Variants in THSD4 observed in about 807,000 individuals in gnomAD.
THSD4 encodes thrombospondin type 1 domain containing 4.
Under a neutral mutation model 119.0 loss-of-function variants are expected in THSD4, and 69 were observed. That is an observed-to-expected ratio of 0.58 (90% CI 0.48 to 0.71). The LOEUF is 0.71. Ranked by LOEUF, THSD4 falls within the 30% of genes least tolerant of loss-of-function variation. The pLI is 0.00. For missense variants in THSD4, 1,393 were observed against 1,391.1 expected (o/e 1.00, Z -0.02); for synonymous variants, 524 against 540.4 (o/e 0.97, Z 0.42).
intron 17 of THSD4, 151 bp downstream of exon 17, chr15:71,771,359 A>G: frequency 9.4e-7 from 1 of 1,068,818 alleles, no homozygotes; most frequent in East Asian, 2.6e-5. Flanking sequence ...TTGGTATTAT[A>G]AATTTCATGG....
chr15:71,135,986 GTTTAGTTTTTTTTT>G (rs1395093760), intron 1 of THSD4, among the ~76,000 whole-genome samples: 1 of 101,814 alleles, frequency 9.8e-6, no homozygotes. Flanking sequence ...TTTTTGTTTA[GTTTAGTTTTTTTTT>G]TTTTTTTTTT....
chr15:71,714,861 G>A (rs56176351), intron 8 of THSD4, among the ~76,000 whole-genome samples: 25,765 of 152,000 alleles, frequency 0.17, 2,400 homozygotes, highest in Middle Eastern at 0.22. Flanking sequence ...AATCCTGCAC[G>A]TGTACCCCCA....
chr15:71,692,139 C>T (rs1177276683), intron 8 of THSD4, among the ~76,000 whole-genome samples: 2 of 152,138 alleles, frequency 1.3e-5, no homozygotes, highest in African/African-American at 2.4e-5. Flanking sequence ...AATACCAGGA[C>T]ATTAATATAT....
chr15:71,415,476 A>G (rs571565921), intron 7 of THSD4, among the ~76,000 whole-genome samples: 1 of 152,380 alleles, frequency 6.6e-6, no homozygotes, highest in East Asian at 1.9e-4. Flanking sequence ...ACAATATATA[A>G]TAATCACATC....
chr15:71,190,556 C>G (rs1223248981), intron 3 of THSD4, among the ~76,000 whole-genome samples: 2 of 152,148 alleles, frequency 1.3e-5, no homozygotes, highest in African/African-American at 4.8e-5. Context: ...CCTGTCCTGT[C>G]GCTGAAGATT....
At chr15:71,384,537 C>T (rs1389201439) in intron 6 of THSD4, among the ~76,000 whole-genome samples, 2 of 152,172 alleles carry the variant, frequency 1.3e-5, no homozygotes, top group Non-Finnish European at 2.9e-5. Context: ...GTAGCTAAGC[C>T]AAAAGGTTAG....
Position 71,154,895 on chromosome 15 carries a change from A to G in THSD4, c.62A>G (p.Gln21Arg). The stretch of plus-strand genomic sequence containing the variant: ...TGTTTCCTTCTGCTGCTTGGATTCC[A>G]GTTCGTCTGCCCACAGCCCTCCACT... ...VLCFLLLLGFQFVCPQPSTQH... is the reference protein window; with the variant it reads ...VLCFLLLLGFRFVCPQPSTQH... The change falls in exon 3 of 18, where the codon CAG (glutamine) becomes CGG (arginine). Residue 21 changes from glutamine to arginine, a missense_variant. Transcript: ENST00000261862. 1 of 1,614,024 alleles carries G rather than the reference A, an allele frequency of 6.2e-7. No homozygotes were observed. The highest frequency in any genetic ancestry group is 8.5e-7 in the Non-Finnish European group (1 of 1,180,008).
intron 8 of THSD4, among the ~76,000 whole-genome samples, chr15:71,674,743 G>A (rs1186149579): frequency 6.6e-6 from 1 of 152,052 alleles, no homozygotes; most frequent in African/African-American, 2.4e-5. Context: ...GAGGCATTTC[G>A]ATTGTTACAG....
At chr15:71,289,057 G>A (rs1210760065) in intron 6 of THSD4, among the ~76,000 whole-genome samples, 3 of 152,320 alleles carry the variant, frequency 2.0e-5, no homozygotes, top group South Asian at 2.1e-4. Context: ...GCTAGACACT[G>A]TATGAGACAT....
intron 7 of THSD4, among the ~76,000 whole-genome samples, chr15:71,581,233 C>T (rs534380338): frequency 2.6e-5 from 4 of 152,156 alleles, no homozygotes; most frequent in South Asian, 4.1e-4. Flanking sequence ...AATCTTTTGT[C>T]TTTTGGCAGT....
intron 7 of THSD4, among the ~76,000 whole-genome samples, chr15:71,525,957 G>A (rs1309039317): frequency 6.6e-6 from 1 of 152,170 alleles, no homozygotes; most frequent in East Asian, 1.9e-4. Context: ...GACACACGCA[G>A]ACACTCAGTA....
chr15:71,646,619 G>T (rs1464887854), intron 7 of THSD4, among the ~76,000 whole-genome samples: 1 of 152,156 alleles, frequency 6.6e-6, no homozygotes, highest in Non-Finnish European at 1.5e-5. Context: ...TGTGTCAGAT[G>T]CTTTTTACAA....
intron 7 of THSD4, among the ~76,000 whole-genome samples, chr15:71,548,897 G>A (rs1268240343): frequency 6.6e-6 from 1 of 152,238 alleles, no homozygotes; most frequent in East Asian, 1.9e-4. Context: ...CCCGAACTGA[G>A]CAAATCACAG....
intron 9 of THSD4, 103 bp from the exon 10 acceptor site, chr15:71,731,018 G>A (rs1376596415): frequency 1.0e-5 from 11 of 1,083,056 alleles, no homozygotes; most frequent in Non-Finnish European, 1.5e-5. Flanking sequence ...GTACTAGAGT[G>A]AACCAACCCA....
intron 8 of THSD4, among the ~76,000 whole-genome samples, chr15:71,670,217 G>A (rs2051495374): frequency 1.3e-5 from 2 of 151,746 alleles, no homozygotes. Context: ...TTCTCCTAAT[G>A]CTATCCCTCC....
intron 7 of THSD4, among the ~76,000 whole-genome samples, chr15:71,436,074 A>G (rs1290460356): frequency 6.6e-6 from 1 of 152,198 alleles, no homozygotes; most frequent in Non-Finnish European, 1.5e-5. Context: ...TCTGAAGGGC[A>G]TAAAGCAAGA....
At chr15:71,744,959 G>T (rs578155285) in intron 11 of THSD4, 147 bp from the exon 12 acceptor site, 6 of 969,166 alleles carry the variant, frequency 6.2e-6, no homozygotes, top group Non-Finnish European at 8.8e-6. Flanking sequence ...AAATGAAGGG[G>T]GAGCGTAAGT....
chr15:71,674,009 T>C (rs1210321383), intron 8 of THSD4, among the ~76,000 whole-genome samples: 1 of 152,196 alleles, frequency 6.6e-6, no homozygotes, highest in South Asian at 2.1e-4. Context: ...CAACTGTCTG[T>C]CGGAGTAGTT....
At chr15:71,608,910 T>C (rs1249736983) in intron 7 of THSD4, among the ~76,000 whole-genome samples, 2 of 152,200 alleles carry the variant, frequency 1.3e-5, no homozygotes, top group Non-Finnish European at 2.9e-5. Context: ...TTCACAGAGT[T>C]AGTAAGGCGG....
Sources: allele counts gnomAD v4.1 joint callset (sites outside exome capture counted in the v4.1 genomes callset), GRCh38; gene constraint gnomAD v4.1.1; transcripts MANE v1.5; gene names NCBI Gene and HGNC (gene_info 2026-07-23, HGNC 2026-07-21).